Variants in GLIS3 observed in about 807,000 individuals in gnomAD.
The protein encoded by GLIS3 is zinc finger protein GLIS3.
Under a neutral mutation model 78.6 loss-of-function variants are expected in GLIS3, and 53 were observed. The ratio of observed to expected loss-of-function variants is 0.67; its 90% CI spans 0.54 to 0.85. The LOEUF (loss-of-function observed/expected upper bound fraction) is 0.85. GLIS3 is among the 40% of genes least tolerant of loss of function. The pLI, the probability that GLIS3 is intolerant of heterozygous loss-of-function variation, is 0.00. For synonymous variants in GLIS3, 684 were observed against 509.9 expected, an observed-to-expected ratio of 1.34 and a Z score of -4.60; for missense variants, 1,703 against 1,231.1, an observed-to-expected ratio of 1.38 and a Z score of -5.74.
chr9:3,998,649 C>T (rs960895276), intron 4 of GLIS3, among the ~76,000 whole-genome samples: 1 of 151,446 alleles, frequency 6.6e-6, no homozygotes, highest in Non-Finnish European at 1.5e-5. Flanking sequence ...ATTAATTGCT[C>T]TGTGGCTATG....
chr9:4,427,295 T>G, the GLIS3 span, among the ~76,000 whole-genome samples: 2 of 152,146 alleles, frequency 1.3e-5, no homozygotes, highest in African/African-American at 4.8e-5. Flanking sequence ...ACTCCCCTCT[T>G]CTCCACTTAT....
chr9:4,115,178 C>A (rs1448384524), intron 4 of GLIS3, among the ~76,000 whole-genome samples: 3 of 152,166 alleles, frequency 2.0e-5, no homozygotes, highest in African/African-American at 7.2e-5. Context: ...TCATTTCTTT[C>A]TTGGGTCAAT....
chr9:4,108,226 C>G (rs1030740172), intron 4 of GLIS3, among the ~76,000 whole-genome samples: 1 of 152,166 alleles, frequency 6.6e-6, no homozygotes, highest in African/African-American at 2.4e-5. Context: ...AGGTTTAATA[C>G]TTTCTTTCTC....
At position 4,195,969 on chromosome 9, in the gene GLIS3, T is replaced by A. The variant is rs532583936; in HGVS notation, c.389-70028A>T. On this transcript the variant is annotated intron_variant, in intron 2 of 10. Transcript: ENST00000381971. ...TAAATGCACCAATCAGCACCCTGTG[T>A]CTAGGTCAAGGTTTGTAAATGCACC... 3.3e-5 allele frequency among the ~76,000 whole-genome samples: 5 copies of A among 150,816 alleles called. No homozygotes were observed. In the South Asian group the frequency reaches 1.0e-3, roughly 32 times the overall value.
At chr9:4,097,295 T>G (rs1010569893) in intron 4 of GLIS3, among the ~76,000 whole-genome samples, 3 of 151,960 alleles carry the variant, frequency 2.0e-5, no homozygotes, top group Non-Finnish European at 4.4e-5. Flanking sequence ...TAAAAAAAAG[T>G]ATGAGTGAGT....
chr9:4,335,345 G>C (rs1817742096), intron 2 of GLIS3, among the ~76,000 whole-genome samples: 1 of 152,162 alleles, frequency 6.6e-6, no homozygotes. Context: ...CTGTGAAATT[G>C]ATCAATTAAT....
the GLIS3 span, among the ~76,000 whole-genome samples, chr9:4,458,998 T>C: frequency 4.6e-5 from 7 of 151,920 alleles, no homozygotes; most frequent in Non-Finnish European, 8.8e-5. Context: ...GGATCCAAGA[T>C]TGTCATTAGG....
At chr9:4,363,367 G>A in the GLIS3 span, among the ~76,000 whole-genome samples, 36 of 152,190 alleles carry the variant, frequency 2.4e-4, no homozygotes, top group Non-Finnish European at 2.9e-4. Flanking sequence ...AGGTTGCAGT[G>A]AGCTGAGATG....
chr9:4,141,886 C>T (rs748691766), intron 2 of GLIS3, among the ~76,000 whole-genome samples: 2 of 152,272 alleles, frequency 1.3e-5, no homozygotes, highest in Non-Finnish European at 2.9e-5. Context: ...CCTTCTGTTT[C>T]TTTTATTTAA....
chr9:4,473,307 A>G, the GLIS3 span, among the ~76,000 whole-genome samples: 1 of 152,060 alleles, frequency 6.6e-6, no homozygotes, highest in African/African-American at 2.4e-5. Context: ...GTAGCTGAGC[A>G]TGATGGTGGG....
intron 8 of GLIS3, among the ~76,000 whole-genome samples, chr9:3,861,480 T>C (rs1563787251): frequency 6.6e-6 from 1 of 152,140 alleles, no homozygotes; most frequent in Non-Finnish European, 1.5e-5. Flanking sequence ...TAAAGATACA[T>C]GCATGTGTAC....
intron 2 of GLIS3, among the ~76,000 whole-genome samples, chr9:4,228,811 G>T (rs1179957129): frequency 6.6e-6 from 1 of 152,150 alleles, no homozygotes; most frequent in Non-Finnish European, 1.5e-5. Context: ...TGAAAACACA[G>T]AACTGAAGAG....
rs558566904 is a variant in GLIS3 at position 4,151,723 on chromosome 9, C to T, written c.389-25782G>A. ...CTTCAGGAGTCCTAAACAATGAAAG[C>T]GCTCTTCATTATGTCTATGAGTTTG... On this transcript the variant is annotated intron_variant, in intron 2 of 10. Coordinates refer to ENST00000381971, the MANE Select transcript of GLIS3 (RefSeq NM_001042413.2). Among the ~76,000 whole-genome samples the T allele has an allele frequency of 3.3e-5, 5 of 152,264 alleles. No individual in the cohort carries two copies. The East Asian group carries it at 7.7e-4, about 24-fold the overall frequency.
At chr9:3,862,894 T>C (rs1563788850) in intron 8 of GLIS3, among the ~76,000 whole-genome samples, 1 of 135,384 alleles carries the variant, frequency 7.4e-6, no homozygotes, top group African/African-American at 2.8e-5. Flanking sequence ...TATAAACTAG[T>C]CTACGATGGA....
chr9:3,968,199 C>T (rs1221717331), intron 4 of GLIS3, among the ~76,000 whole-genome samples: 2 of 152,154 alleles, frequency 1.3e-5, no homozygotes, highest in Admixed American at 1.3e-4. Context: ...ATGATTTTAT[C>T]ATGTAGCAGG....
In GLIS3 at chr9:3,898,762, G is replaced by C. The variant is rs1823060661; in HGVS notation, c.2057C>G (p.Thr686Ser). The C allele has an allele frequency of 1.2e-6, 2 of 1,614,092 alleles. No homozygotes were observed. The highest frequency in any genetic ancestry group is 4.5e-5 in the East Asian group (2 of 44,894). The change falls in exon 7 of 11, where the codon ACT (threonine) becomes AGT (serine). Residue 686 changes from threonine (T) to serine (S), a missense_variant. By Grantham distance (58) the Thr-to-Ser change is moderately conservative. Transcript: ENST00000381971. ...TTCAGCAGCAGCATCTCTAGGGGAA[G>C]TGGCCGGCTGCAGGGACTGCACGGT... is the stretch of plus-strand genomic sequence containing the variant. The part of the protein sequence containing the change: ...CLTVQSLQPA[T>S]SPRDAAAEGT...
At chr9:4,097,799 G>T (rs945966040) in intron 4 of GLIS3, among the ~76,000 whole-genome samples, 1 of 151,944 alleles carries the variant, frequency 6.6e-6, no homozygotes, top group African/African-American at 2.4e-5. Context: ...AACCCCAAAG[G>T]TGCCAGATTT....
intron 2 of GLIS3, among the ~76,000 whole-genome samples, chr9:4,330,118 T>G (rs1043751208): frequency 1.3e-5 from 2 of 152,152 alleles, no homozygotes; most frequent in African/African-American, 4.8e-5. Context: ...GGAAATTCAG[T>G]GTAGACTCCC....
At chr9:4,162,121 T>C (rs1335133310) in intron 2 of GLIS3, among the ~76,000 whole-genome samples, 1 of 152,162 alleles carries the variant, frequency 6.6e-6, no homozygotes, top group African/African-American at 2.4e-5. Flanking sequence ...TTTATAGATA[T>C]GTGATCTCCC....
Sources: allele counts gnomAD v4.1 joint callset (sites outside exome capture counted in the v4.1 genomes callset), GRCh38; gene constraint gnomAD v4.1.1; transcripts MANE v1.5; gene names NCBI Gene and HGNC (gene_info 2026-07-23, HGNC 2026-07-21).